The following GRID2 variants were observed in gnomAD, a reference collection of about 807,000 sequenced individuals.
GRID2 encodes the protein glutamate receptor ionotropic, delta-2.
A neutral mutation model predicts 114.8 loss-of-function variants in GRID2; 33 were observed. The ratio of observed to expected loss-of-function variants is 0.29; its 90% CI spans 0.22 to 0.38. The LOEUF is 0.38. Among genes scored for constraint, GRID2 ranks in the 10% least tolerant of loss-of-function variants. GRID2 has a pLI of 1.00. For synonymous variants in GRID2, 505 were observed against 449.9 expected (o/e 1.12, Z -1.55); for missense variants, 1,184 against 1,257.7 (o/e 0.94, Z 0.89).
At position 92,370,976 on chromosome 4, in the gene GRID2, G is replaced by T. The variant is rs532201576; in HGVS notation, c.88+66232G>T. ...AAGAACACAAAACAGCCTTACTGCTGATATGAGGAAAGTTTTAGTGGTCTG... is the reference window on the plus strand; with the variant it reads ...AAGAACACAAAACAGCCTTACTGCTTATATGAGGAAAGTTTTAGTGGTCTG... On this transcript the variant is annotated intron_variant, in intron 1 of 15. Transcript: ENST00000282020. Among the ~76,000 whole-genome samples the T allele has an allele frequency of 2.6e-5, 4 of 152,252 alleles. No homozygotes were observed. In the East Asian group the frequency reaches 7.7e-4, roughly 29 times the overall value.
chr4:93,704,542 T>C (rs1475943162), intron 14 of GRID2, among the ~76,000 whole-genome samples: 2 of 152,186 alleles, frequency 1.3e-5, no homozygotes, highest in East Asian at 3.9e-4. Context: ...TGCCATTGCT[T>C]TTGGTGTTTT....
intron 2 of GRID2, among the ~76,000 whole-genome samples, chr4:92,748,675 T>C (rs570081379): frequency 1.6e-4 from 23 of 146,218 alleles, no homozygotes; most frequent in African/African-American, 5.2e-4. Context: ...TTATTATTAT[T>C]ATTTGAGATG....
At chr4:92,679,479 C>G (rs968572107) in intron 2 of GRID2, among the ~76,000 whole-genome samples, 1 of 151,964 alleles carries the variant, frequency 6.6e-6, no homozygotes, top group South Asian at 2.1e-4. Flanking sequence ...TTCACTATAC[C>G]TATTTCAAGA....
intron 2 of GRID2, among the ~76,000 whole-genome samples, chr4:92,998,585 G>C (rs1367050826): frequency 6.6e-6 from 1 of 151,780 alleles, no homozygotes; most frequent in Admixed American, 6.6e-5. Context: ...CATGTTTATA[G>C]CAAATATATT....
intron 8 of GRID2, chr4:93,282,249 C>G: frequency 3.6e-6 from 1 of 277,118 alleles, no homozygotes; most frequent in Non-Finnish European, 7.2e-6. Flanking sequence ...AAAATGTTAA[C>G]TTTTGTGTAA....
At chr4:93,324,089 A>T (rs1033961657) in intron 8 of GRID2, among the ~76,000 whole-genome samples, 1 of 152,180 alleles carries the variant, frequency 6.6e-6, no homozygotes, top group African/African-American at 2.4e-5. Context: ...ACTATGTTGA[A>T]CAGGAGTGGT....
chr4:93,502,728 G>A lies in GRID2; in HGVS notation c.1997+11951G>A, dbSNP rs184108998. Among the ~76,000 whole-genome samples, 6 of 96,724 alleles carry A rather than the reference G, an allele frequency of 6.2e-5. No homozygotes were observed. In the East Asian group the frequency reaches 1.5e-3, roughly 24 times the overall value. 63.5% of individuals were successfully genotyped at this position (96,724 alleles called of 152,430 possible). A position where few individuals can be genotyped will look rare whatever the true frequency, so the allele number is the denominator to read the frequency against. ...CCACTCCCCCCCCCCACACACACAC[G>A]CACACCACACACACACACACACACA... On this transcript the variant is annotated intron_variant, in intron 12 of 15. Transcript: ENST00000282020.
chr4:92,996,215 G>A (rs554155426), intron 2 of GRID2, among the ~76,000 whole-genome samples: 1 of 151,688 alleles, frequency 6.6e-6, no homozygotes, highest in African/African-American at 2.4e-5. Flanking sequence ...GCTTGAACCT[G>A]GGAAGCAGAG....
chr4:92,386,481 G>A (rs1189091788), intron 1 of GRID2, among the ~76,000 whole-genome samples: 2 of 151,432 alleles, frequency 1.3e-5, no homozygotes, highest in Non-Finnish European at 3.0e-5. Context: ...GACATATTAT[G>A]GAAATAAATA....
intron 1 of GRID2, among the ~76,000 whole-genome samples, chr4:92,552,350 A>T (rs945884092): frequency 6.6e-6 from 1 of 152,160 alleles, no homozygotes; most frequent in Admixed American, 6.6e-5. Context: ...CTGAAGAGAA[A>T]CTATCTTAAT....
intron 10 of GRID2, among the ~76,000 whole-genome samples, chr4:93,437,920 A>G (rs964881514): frequency 1.3e-5 from 2 of 152,134 alleles, no homozygotes; most frequent in Non-Finnish European, 2.9e-5. Flanking sequence ...CTATCTATAT[A>G]TATCTACATC....
intron 1 of GRID2, among the ~76,000 whole-genome samples, chr4:92,395,192 A>G (rs1053136587): frequency 1.3e-5 from 2 of 151,688 alleles, no homozygotes; most frequent in African/African-American, 4.8e-5. Flanking sequence ...TGATGTACTA[A>G]TAATGGGGAT....
chr4:93,440,412 A>G (rs1214854439), intron 10 of GRID2, among the ~76,000 whole-genome samples: 1 of 152,098 alleles, frequency 6.6e-6, no homozygotes, highest in African/African-American at 2.4e-5. Flanking sequence ...AGTGGCTAAG[A>G]CTTTCATTCT....
intron 8 of GRID2, among the ~76,000 whole-genome samples, chr4:93,365,250 C>A (rs2149281368): frequency 6.6e-6 from 1 of 152,178 alleles, no homozygotes; most frequent in African/African-American, 2.4e-5. Context: ...TTCTATAAAC[C>A]ATCCAGGCCC....
intron 7 of GRID2, among the ~76,000 whole-genome samples, chr4:93,230,430 G>A (rs1421835785): frequency 6.6e-6 from 1 of 152,164 alleles, no homozygotes; most frequent in South Asian, 2.1e-4. Context: ...CATACCAGGA[G>A]CATTATCTGA....
intron 1 of GRID2, among the ~76,000 whole-genome samples, chr4:92,546,230 G>T (rs1361139530): frequency 1.3e-5 from 2 of 152,086 alleles, no homozygotes; most frequent in African/African-American, 4.8e-5. Flanking sequence ...GATCATTATT[G>T]TAGATGTTGT....
chr4:93,785,616 T>G (rs1184980662), intron 1 of GRID2, among the ~76,000 whole-genome samples: 1 of 152,058 alleles, frequency 6.6e-6, no homozygotes, highest in African/African-American at 2.4e-5. Context: ...GATAAAGAAT[T>G]TAATACAAAT....
At chr4:93,401,045 C>G (rs1765834557) in intron 9 of GRID2, among the ~76,000 whole-genome samples, 1 of 151,992 alleles carries the variant, frequency 6.6e-6, no homozygotes, top group Non-Finnish European at 1.5e-5. Context: ...GTTGCCCAAG[C>G]TGGTCTTGAA....
intron 2 of GRID2, among the ~76,000 whole-genome samples, chr4:92,766,331 G>A (rs1363425097): frequency 6.6e-6 from 1 of 152,028 alleles, no homozygotes; most frequent in Non-Finnish European, 1.5e-5. Context: ...GAGGTCAGGA[G>A]ATCCAGGCCA....
Sources: gnomAD v4.1 joint callset for allele counts (sites outside exome capture counted in the v4.1 genomes callset) on GRCh38, gnomAD v4.1.1 for gene constraint, MANE v1.5 for transcripts, NCBI Gene and HGNC (gene_info 2026-07-23, HGNC 2026-07-21) for gene names.